LSAMP: variants seen among roughly 807,000 people sequenced by gnomAD.
The protein encoded by LSAMP is limbic system-associated membrane protein.
In LSAMP, 7 loss-of-function variants were observed where a neutral mutation model predicts 38.6. The ratio of observed to expected loss-of-function variants is 0.18; its 90% CI spans 0.10 to 0.34. The LOEUF is 0.34. Ranked by LOEUF, LSAMP falls within the 10% of genes least tolerant of loss-of-function variation. The pLI is 1.00. For synonymous variants in LSAMP, 154 were observed against 166.8 expected (o/e 0.92, Z 0.59); for missense variants, 313 against 420.0 (o/e 0.75, Z 2.23).
intron 1 of LSAMP, among the ~76,000 whole-genome samples, chr3:116,282,757 C>T (rs919192061): frequency 4.8e-5 from 6 of 124,312 alleles, no homozygotes; most frequent in African/African-American, 2.9e-4. Flanking sequence ...AGTGATACTC[C>T]CCCCACCCCC....
At chr3:116,204,373 T>C (rs539245839) in intron 1 of LSAMP, among the ~76,000 whole-genome samples, 1 of 152,316 alleles carries the variant, frequency 6.6e-6, no homozygotes, top group African/African-American at 2.4e-5. Context: ...CTGATGGTAG[T>C]TTCTTTTGCT....
chr3:115,947,892 A>G (rs1192915874), intron 3 of LSAMP, among the ~76,000 whole-genome samples: 2 of 152,216 alleles, frequency 1.3e-5, no homozygotes, highest in Non-Finnish European at 2.9e-5. Flanking sequence ...CCAACCAGGT[A>G]GCTGGCTGAT....
At chr3:116,318,154 AAT>A (rs1491367644) in intron 1 of LSAMP, among the ~76,000 whole-genome samples, 1 of 151,300 alleles carries the variant, frequency 6.6e-6, no homozygotes, top group Non-Finnish European at 1.5e-5. Context: ...AAAAAAAAAA[AAT>A]TTTAGTAATA....
rs570877083 is a variant in LSAMP, at chr3:116,237,297, T to C, written c.156-150741A>G. Among the ~76,000 whole-genome samples the C allele has an allele frequency of 8.5e-5, 13 of 152,308 alleles. No individual in the cohort carries two copies. In the South Asian group the frequency reaches 1.0e-3, roughly 12 times the overall value. On this transcript the variant is annotated intron_variant, in intron 1 of 6. Coordinates refer to ENST00000490035, the MANE Select transcript of LSAMP (RefSeq NM_002338.5). ...TTTTATTGTAATATGTGCAACTCTT[T>C]GTTCAGTGTGCTTGTAAGTAAGTAA...
chr3:116,393,756 A>C (rs1271913207), intron 1 of LSAMP, among the ~76,000 whole-genome samples: 1 of 152,236 alleles, frequency 6.6e-6, no homozygotes, highest in Non-Finnish European at 1.5e-5. Context: ...GATGTGAGCT[A>C]TTAAAGTAAG....
chr3:116,175,301 T>G (rs1013371954), intron 1 of LSAMP, among the ~76,000 whole-genome samples: 2 of 152,082 alleles, frequency 1.3e-5, no homozygotes, highest in Admixed American at 1.3e-4. Context: ...GTTGTACATA[T>G]TTATGTTACA....
chr3:116,308,083 A>G (rs2047507375), intron 1 of LSAMP, among the ~76,000 whole-genome samples: 1 of 152,014 alleles, frequency 6.6e-6, no homozygotes, highest in Admixed American at 6.6e-5. Flanking sequence ...TTTTAAATCA[A>G]CAGAAACTTG....
intron 3 of LSAMP, among the ~76,000 whole-genome samples, chr3:115,915,145 G>T (rs1184945231): frequency 6.6e-6 from 1 of 152,208 alleles, no homozygotes; most frequent in Non-Finnish European, 1.5e-5. Context: ...CCTGGGATTT[G>T]CTGCACCTTT....
chr3:116,388,461 G>A (rs2048652596), intron 1 of LSAMP, among the ~76,000 whole-genome samples: 1 of 152,132 alleles, frequency 6.6e-6, no homozygotes, highest in African/African-American at 2.4e-5. Context: ...CTAACTAAAG[G>A]ACCTTTCTAA....
chr3:115,846,094 G>A (rs1935149442), intron 4 of LSAMP, among the ~76,000 whole-genome samples: 1 of 152,114 alleles, frequency 6.6e-6, no homozygotes, highest in Non-Finnish European at 1.5e-5. Context: ...GCATAGGTGA[G>A]GCTAAGAAAG....
intron 1 of LSAMP, among the ~76,000 whole-genome samples, chr3:116,340,378 C>A (rs2047975720): frequency 6.6e-6 from 1 of 151,888 alleles, no homozygotes; most frequent in Non-Finnish European, 1.5e-5. Context: ...TAACAAAGAT[C>A]TCTACATACC....
intron 3 of LSAMP, among the ~76,000 whole-genome samples, chr3:115,990,668 C>A (rs187907118): frequency 6.6e-6 from 1 of 152,014 alleles, no homozygotes; most frequent in Non-Finnish European, 1.5e-5. Flanking sequence ...TGAATGATAT[C>A]GAAATATTTT....
At chr3:116,285,900 C>A (rs2047188874) in intron 1 of LSAMP, among the ~76,000 whole-genome samples, 2 of 152,182 alleles carry the variant, frequency 1.3e-5, no homozygotes, top group African/African-American at 4.8e-5. Context: ...CTATGTGCCA[C>A]TCCAGGGTAG....
intron 3 of LSAMP, among the ~76,000 whole-genome samples, chr3:115,985,503 C>T (rs1313997332): frequency 6.6e-6 from 1 of 152,080 alleles, no homozygotes; most frequent in Non-Finnish European, 1.5e-5. Context: ...AAAGATAATC[C>T]CCAGTGATTC....
At chr3:116,296,197 A>G (rs544839077) in intron 1 of LSAMP, among the ~76,000 whole-genome samples, 2 of 152,332 alleles carry the variant, frequency 1.3e-5, no homozygotes, top group African/African-American at 4.8e-5. Context: ...CTTTCTTCTT[A>G]GCTGTATTGA....
chr3:116,102,625 G>A (rs1487589512), intron 1 of LSAMP, among the ~76,000 whole-genome samples: 1 of 152,182 alleles, frequency 6.6e-6, no homozygotes, highest in Non-Finnish European at 1.5e-5. Flanking sequence ...CTTCAAGCTA[G>A]GACATTAGTT....
At chr3:115,945,552 G>A (rs1026428920) in intron 3 of LSAMP, among the ~76,000 whole-genome samples, 1 of 152,078 alleles carries the variant, frequency 6.6e-6, no homozygotes, top group East Asian at 1.9e-4. Flanking sequence ...CTGTAATTCA[G>A]ATCACCTTCA....
chr3:116,296,668 C>G (rs899121798), intron 1 of LSAMP, among the ~76,000 whole-genome samples: 10 of 132,982 alleles, frequency 7.5e-5, no homozygotes, highest in African/African-American at 2.7e-4. Flanking sequence ...GCACGCCAGC[C>G]TGGGCGACAG....
At chr3:116,332,833 C>T (rs935681039) in intron 1 of LSAMP, among the ~76,000 whole-genome samples, 1 of 151,838 alleles carries the variant, frequency 6.6e-6, no homozygotes, top group South Asian at 2.1e-4. Flanking sequence ...AAAAGAGAGC[C>T]AGGATGGCTC....
Sources: allele counts gnomAD v4.1 joint callset (sites outside exome capture counted in the v4.1 genomes callset), GRCh38; gene constraint gnomAD v4.1.1; transcripts MANE v1.5; gene names NCBI Gene and HGNC (gene_info 2026-07-23, HGNC 2026-07-21).